Variants in MAN1A2 observed in about 807,000 individuals in gnomAD.
The protein encoded by MAN1A2 is mannosidase alpha class 1A member 2, also known as mannosyl-oligosaccharide 1,2-alpha-mannosidase IB.
In MAN1A2, 26 loss-of-function variants were observed where a neutral mutation model predicts 75.7. The observed-to-expected ratio is 0.34, with a 90% CI of 0.25 to 0.48. MAN1A2 has a LOEUF of 0.48. Among genes scored for constraint, MAN1A2 ranks in the 20% least tolerant of loss-of-function variants. The pLI is 0.99. For missense variants in MAN1A2, 562 were observed against 775.5 expected (o/e 0.72, Z 3.27); for synonymous variants, 247 against 264.6 (o/e 0.93, Z 0.65).
At chr1:117,385,199 A>T (rs1002050762) in intron 1 of MAN1A2, among the ~76,000 whole-genome samples, 5 of 152,074 alleles carry the variant, frequency 3.3e-5, no homozygotes, top group Middle Eastern at 3.2e-3. Flanking sequence ...GAATTTTATG[A>T]CTTGTGCAGT....
intron 6 of MAN1A2, among the ~76,000 whole-genome samples, chr1:117,456,831 G>C (rs1291624086): frequency 6.6e-6 from 1 of 151,846 alleles, no homozygotes; most frequent in Non-Finnish European, 1.5e-5. Flanking sequence ...GAATCATAGG[G>C]CTTCTCAATT....
At position 117,526,644 on chromosome 1, in the gene MAN1A2, C is replaced by T. The variant is rs2101038858; in HGVS notation, c.*3687C>T. ...TTTTATATTCAAAAAGATTTTGTCA[C>T]ATAATTCATGGGTAAAACTTGCAGT... On this transcript the variant is annotated 3_prime_UTR_variant, in exon 13 of 13. Coordinates refer to ENST00000356554, the MANE Select transcript of MAN1A2 (RefSeq NM_006699.5). 6.6e-6 allele frequency: 1 copy of T among 151,248 alleles called. No individual in the cohort carries two copies. The highest frequency in any genetic ancestry group is 1.9e-4 in the East Asian group (1 of 5,168). The allele number at this position is 151,248 out of a possible 1,614,324, so 9.4% of individuals were successfully genotyped here.
At chr1:117,490,428 A>G (rs1055135194) in intron 8 of MAN1A2, among the ~76,000 whole-genome samples, 1 of 152,072 alleles carries the variant, frequency 6.6e-6, no homozygotes, top group African/African-American at 2.4e-5. Flanking sequence ...AACAGCACCC[A>G]TAGAAAATGA....
chr1:117,430,279 C>G (rs1469697144), intron 5 of MAN1A2, among the ~76,000 whole-genome samples: 1 of 134,454 alleles, frequency 7.4e-6, no homozygotes, highest in African/African-American at 2.9e-5. Flanking sequence ...ACCTCCCTCC[C>G]GGATGGGGCG....
rs1327575622 is a variant in MAN1A2, at chr1:117,455,990, A to G, written c.951-4499A>G. 7.2e-5 allele frequency among the ~76,000 whole-genome samples: 11 copies of G among 152,202 alleles called. 1 individual carries two copies. In the East Asian group the frequency reaches 2.1e-3, roughly 29 times the overall value. Reference sequence around the variant, plus strand: ...TTTTTAAAGCATCTGCTATAATAAAAAGGTGAGAAGAAAGCCATTCTTACA... The same window carrying G: ...TTTTTAAAGCATCTGCTATAATAAAGAGGTGAGAAGAAAGCCATTCTTACA... On this transcript the variant is annotated intron_variant, in intron 6 of 12. Coordinates refer to ENST00000356554, the MANE Select transcript of MAN1A2 (RefSeq NM_006699.5).
chr1:117,398,360 G>A (rs558427368), intron 1 of MAN1A2, among the ~76,000 whole-genome samples: 2 of 152,250 alleles, frequency 1.3e-5, no homozygotes, highest in East Asian at 3.9e-4. Context: ...TGATGGGAAA[G>A]AAAATGGTGT....
intron 12 of MAN1A2, among the ~76,000 whole-genome samples, chr1:117,509,122 AC>A (rs1418045956): frequency 7.0e-6 from 1 of 142,478 alleles, no homozygotes; most frequent in Non-Finnish European, 1.6e-5. Flanking sequence ...AAAATAAAAA[AC>A]ATCTGTACAA....
chr1:117,431,170 G>C (rs1358049820), intron 5 of MAN1A2, among the ~76,000 whole-genome samples: 3 of 117,854 alleles, frequency 2.5e-5, no homozygotes, highest in Admixed American at 9.0e-5. Flanking sequence ...CTTCGGCTCC[G>C]CATGAGAGGG....
intron 12 of MAN1A2, among the ~76,000 whole-genome samples, chr1:117,507,787 G>C (rs746248490): frequency 6.6e-6 from 1 of 151,650 alleles, no homozygotes; most frequent in Non-Finnish European, 1.5e-5. Context: ...TGTTTTGTAA[G>C]AAGAGCTAAA....
intron 8 of MAN1A2, among the ~76,000 whole-genome samples, chr1:117,481,088 C>G (rs914442340): frequency 1.3e-5 from 2 of 151,960 alleles, no homozygotes; most frequent in Non-Finnish European, 2.9e-5. Flanking sequence ...CCAGCATCCA[C>G]TGTTCTGCCC....
intron 8 of MAN1A2, among the ~76,000 whole-genome samples, chr1:117,483,780 G>A (rs900471237): frequency 1.3e-5 from 2 of 152,080 alleles, no homozygotes; most frequent in African/African-American, 2.4e-5. Context: ...TGTTGAATAG[G>A]AGTGGTGAGA....
chr1:117,382,005 T>C (rs1164106396), intron 1 of MAN1A2, among the ~76,000 whole-genome samples: 40 of 152,172 alleles, frequency 2.6e-4, no homozygotes, highest in Non-Finnish European at 5.6e-4. Flanking sequence ...TGTCTGTTCA[T>C]ATCCTTTGCC....
At position 117,528,115 on chromosome 1, in the gene MAN1A2, C is replaced by T. The variant is rs1652074099; in HGVS notation, c.*5158C>T. On this transcript the variant is annotated 3_prime_UTR_variant, in exon 13 of 13. Coordinates refer to ENST00000356554, the MANE Select transcript of MAN1A2 (RefSeq NM_006699.5). ...AAAGCATACCTCATCCTTAAACTTC[C>T]ACTATTTAACAGCTAATCCATTTCA... The T allele has an allele frequency of 6.6e-6, 1 of 151,980 alleles. No homozygotes were observed. The allele number at this position is 151,980 out of a possible 1,614,324, so 9.4% of individuals were successfully genotyped here.
chr1:117,483,071 AG>A (rs1650550213), intron 8 of MAN1A2, among the ~76,000 whole-genome samples: 1 of 152,138 alleles, frequency 6.6e-6, no homozygotes, highest in African/African-American at 2.4e-5. Flanking sequence ...GTTATTTCTG[AG>A]GCCTCTTTCT....
chr1:117,446,626 A>C (rs1649244493), intron 6 of MAN1A2, among the ~76,000 whole-genome samples: 1 of 152,058 alleles, frequency 6.6e-6, no homozygotes, highest in East Asian at 1.9e-4. Flanking sequence ...TTTCTAATTT[A>C]ATTTCATTGT....
intron 1 of MAN1A2, among the ~76,000 whole-genome samples, chr1:117,381,620 A>G (rs1160196238): frequency 6.6e-6 from 1 of 152,116 alleles, no homozygotes; most frequent in African/African-American, 2.4e-5. Context: ...AGTCTTTGCT[A>G]TTGTGAATAG....
intron 9 of MAN1A2, among the ~76,000 whole-genome samples, chr1:117,496,547 C>CT (rs1203628032): frequency 6.6e-6 from 1 of 151,976 alleles, no homozygotes; most frequent in East Asian, 1.9e-4. Flanking sequence ...CTCTTCCACT[C>CT]TGTCTTATTA....
intron 9 of MAN1A2, 33 bp downstream of exon 9, chr1:117,493,295 G>A: frequency 7.5e-7 from 1 of 1,334,988 alleles, no homozygotes; most frequent in Non-Finnish European, 1.1e-6. Context: ...TCTACTTAAT[G>A]GATTGAATGT....
intron 1 of MAN1A2, among the ~76,000 whole-genome samples, chr1:117,393,995 C>T (rs1357838539): frequency 6.6e-6 from 1 of 151,852 alleles, no homozygotes; most frequent in African/African-American, 2.4e-5. Flanking sequence ...CTCGTAGTTT[C>T]CTTCCCTTGC....
Sources: allele counts gnomAD v4.1 joint callset (sites outside exome capture counted in the v4.1 genomes callset), GRCh38; gene constraint gnomAD v4.1.1; transcripts MANE v1.5; gene names NCBI Gene and HGNC (gene_info 2026-07-23, HGNC 2026-07-21).